The following MRTFB variants were observed in gnomAD, a reference collection of about 807,000 sequenced individuals.
The protein encoded by MRTFB is myocardin related transcription factor B, also known as myocardin-related transcription factor B.
Under a neutral mutation model 104.2 loss-of-function variants are expected in MRTFB, and 29 were observed. The ratio of observed to expected loss-of-function variants is 0.28; its 90% CI spans 0.21 to 0.38. The LOEUF is 0.38. MRTFB is among the 10% of genes least tolerant of loss of function. The probability of loss-of-function intolerance (pLI) is 1.00; values close to 1 mark genes in which losing one functional copy is unlikely to be tolerated. For missense variants in MRTFB, 1,270 were observed against 1,341.6 expected, an observed-to-expected ratio of 0.95 and a Z score of 0.83; for synonymous variants, 535 against 519.5, an observed-to-expected ratio of 1.03 and a Z score of -0.41.
intron 15 of MRTFB, among the ~76,000 whole-genome samples, chr16:14,255,664 T>C (rs1423769528): frequency 2.6e-5 from 4 of 152,156 alleles, no homozygotes; most frequent in African/African-American, 7.2e-5. Context: ...AAATAATTAA[T>C]AAAGGATGGG....
At chr16:14,001,716 G>A in the MRTFB span, among the ~76,000 whole-genome samples, 19 of 152,174 alleles carry the variant, frequency 1.2e-4, no homozygotes, top group African/African-American at 3.1e-4. Flanking sequence ...CCAGGCCGGC[G>A]GGCTCCGACA....
the MRTFB span, among the ~76,000 whole-genome samples, chr16:13,998,871 CAAAAAAAAAAAAAAAAA>C: frequency 0.036 from 1,063 of 29,632 alleles, 30 homozygotes; most frequent in African/African-American, 0.079. Context: ...GACTCTGTTT[CAAAAAAAAAAAAAAAAA>C]AAAAAAAAAA....
chr16:14,061,252 T>C, the MRTFB span, among the ~76,000 whole-genome samples: 1 of 152,202 alleles, frequency 6.6e-6, no homozygotes, highest in Admixed American at 6.5e-5. Context: ...TCCTGGGCAT[T>C]GCTATTTGCC....
At chr16:14,195,746 T>A in intron 3 of MRTFB, 2 of 183,682 alleles carry the variant, frequency 1.1e-5, no homozygotes, top group Non-Finnish European at 2.1e-5. Flanking sequence ...AGCTTTAGCT[T>A]GTAGCACTAG....
intron 3 of MRTFB, chr16:14,141,751 G>A (rs2038008275): frequency 6.6e-6 from 1 of 151,622 alleles, no homozygotes; most frequent in Non-Finnish European, 1.5e-5. Context: ...ACATGTCTTT[G>A]GTATGTACTT....
the MRTFB span, among the ~76,000 whole-genome samples, chr16:14,023,769 G>A: frequency 6.6e-6 from 1 of 152,030 alleles, no homozygotes; most frequent in African/African-American, 2.4e-5. Context: ...CTGGCACAAG[G>A]GCTGGGCGTG....
chr16:14,195,475 AGT>A, intron 3 of MRTFB: 3 of 957,718 alleles, frequency 3.1e-6, no homozygotes, highest in African/African-American at 1.8e-5. Context: ...AATATATTTG[AGT>A]GTGTGTTTGT....
Position 14,071,394 on chromosome 16 carries a change from G to C in MRTFB, c.-129+29G>C, listed in dbSNP as rs1161088174. ...AGCGGCGGGCGGTGGCGGCCGTTGG[G>C]GGCTGAGGCCGGGTGAGAGCGGCCG... On this transcript the variant is annotated intron_variant, in intron 1 of 16. Coordinates refer to ENST00000571589, the MANE Select transcript of MRTFB (RefSeq NM_001308142.2). 10 of 161,172 alleles carry C rather than the reference G, an allele frequency of 6.2e-5. No homozygotes were observed. In the Admixed American group the frequency reaches 6.5e-4, roughly 11 times the overall value. 10.0% of individuals were successfully genotyped at this position (161,172 alleles called of 1,614,324 possible).
At chr16:14,012,956 C>G in the MRTFB span, 1 of 152,206 alleles carries the variant, frequency 6.6e-6, no homozygotes, top group Non-Finnish European at 1.5e-5. Context: ...ACGTTATCCT[C>G]CCCCAGTCTT....
At chr16:14,114,619 A>G (rs1414488029) in intron 2 of MRTFB, among the ~76,000 whole-genome samples, 1 of 151,968 alleles carries the variant, frequency 6.6e-6, no homozygotes, top group Non-Finnish European at 1.5e-5. Context: ...CCATTATTTT[A>G]TCCTATTCTC....
the MRTFB span, among the ~76,000 whole-genome samples, chr16:14,047,525 G>A: frequency 1.3e-5 from 2 of 152,182 alleles, no homozygotes; most frequent in East Asian, 1.9e-4. Context: ...ACATACCTGA[G>A]ACTGGGTAAT....
chr16:14,115,522 G>A (rs1015458143), intron 2 of MRTFB, among the ~76,000 whole-genome samples: 1 of 152,124 alleles, frequency 6.6e-6, no homozygotes, highest in Non-Finnish European at 1.5e-5. Flanking sequence ...ACCTTGTACA[G>A]GTCCTCAACA....
chr16:14,242,714 C>G (rs2042827443), intron 10 of MRTFB, among the ~76,000 whole-genome samples: 1 of 152,196 alleles, frequency 6.6e-6, no homozygotes, highest in Admixed American at 6.5e-5. Context: ...GGTCTCTCAT[C>G]TGCCGATCAC....
the MRTFB span, among the ~76,000 whole-genome samples, chr16:14,052,361 C>T: frequency 5.3e-5 from 8 of 152,076 alleles, no homozygotes; most frequent in South Asian, 2.1e-4. Flanking sequence ...ATGATCACAT[C>T]GGGGTATTTA....
the MRTFB span, among the ~76,000 whole-genome samples, chr16:14,048,934 C>T: frequency 6.6e-6 from 1 of 152,232 alleles, no homozygotes; most frequent in Non-Finnish European, 1.5e-5. Context: ...AGAGGCTCTA[C>T]TCCAAGGTTC....
In MRTFB at chr16:14,246,795, A is replaced by G. The variant is rs2043035400; in HGVS notation, c.1535A>G (p.Gln512Arg). The change falls in exon 12 of 17, where the codon CAG becomes CGG. Residue 512 changes from glutamine to arginine, a missense_variant. Gln to Arg is a conservative substitution (Grantham distance 43). This residue lies in a region of MRTFB where 1,144 missense variants were observed against 1,131.5 expected (regional missense o/e 1.01). Coordinates refer to ENST00000571589, the MANE Select transcript of MRTFB (RefSeq NM_001308142.2). ...CCCATTTCACCATCTCCCTCCGAAC[A>G]GTCCAGTCTCAGTACTGATGACACA... Reference protein sequence around the residue: ...PLPISPSPSEQSSLSTDDTNM... With the variant: ...PLPISPSPSERSSLSTDDTNM... 1 of 1,613,644 alleles carries G rather than the reference A, an allele frequency of 6.2e-7. No homozygotes were observed. The highest frequency in any genetic ancestry group is 1.7e-5 in the Admixed American group (1 of 60,008).
chr16:14,132,176 A>G (rs980600316), intron 2 of MRTFB, among the ~76,000 whole-genome samples: 3 of 152,256 alleles, frequency 2.0e-5, no homozygotes, highest in African/African-American at 7.2e-5. Context: ...AATACACACA[A>G]AAGGCCACAT....
the MRTFB span, among the ~76,000 whole-genome samples, chr16:14,048,837 T>A: frequency 6.6e-6 from 1 of 152,198 alleles, no homozygotes; most frequent in Non-Finnish European, 1.5e-5. Context: ...AGGGCTGGAC[T>A]GCGTCCTGCT....
chr16:14,060,877 T>C, the MRTFB span, among the ~76,000 whole-genome samples: 5 of 152,120 alleles, frequency 3.3e-5, no homozygotes, highest in South Asian at 2.1e-4. Flanking sequence ...CCGGGCGCGG[T>C]GGCTCACGCC....
Sources: gnomAD v4.1 joint callset for allele counts (sites outside exome capture counted in the v4.1 genomes callset) on GRCh38, gnomAD v4.1.1 for gene constraint, gnomAD v4.1.1 regional missense constraint, MANE v1.5 for transcripts, NCBI Gene and HGNC (gene_info 2026-07-23, HGNC 2026-07-21) for gene names.